The following ESM1 variants were observed in gnomAD, a reference collection of about 807,000 sequenced individuals.
The protein encoded by ESM1 is endothelial cell-specific molecule 1.
In ESM1, 7 loss-of-function variants were observed where a neutral mutation model predicts 14.9. That is an observed-to-expected ratio of 0.47 (90% CI 0.27 to 0.88). The LOEUF (loss-of-function observed/expected upper bound fraction) is 0.88. Ranked by LOEUF, ESM1 falls within the 40% of genes least tolerant of loss-of-function variation. The probability of loss-of-function intolerance (pLI) is 0.14; values close to 1 mark genes in which losing one functional copy is unlikely to be tolerated. For missense variants in ESM1, 192 were observed against 237.9 expected (o/e 0.81, Z 1.27); for synonymous variants, 89 against 89.4 (o/e 1.00, Z 0.02).
intron 2 of ESM1, 59 bp from the exon 3 acceptor site, chr5:54,979,494 T>C: frequency 1.7e-6 from 2 of 1,156,686 alleles, no homozygotes; most frequent in African/African-American, 1.5e-5. Flanking sequence ...GACAACACAG[T>C]TTTGCTTTAT....
intron 2 of ESM1, 77 bp from the exon 3 acceptor site, chr5:54,979,512 T>C: frequency 1.0e-6 from 1 of 957,812 alleles, no homozygotes; most frequent in South Asian, 1.4e-5. Flanking sequence ...TATTTTTGTT[T>C]TACATGGAAT....
intron 1 of ESM1, among the ~76,000 whole-genome samples, chr5:54,983,651 G>C (rs1234074269): frequency 1.3e-5 from 2 of 152,194 alleles, no homozygotes; most frequent in Admixed American, 6.5e-5. Flanking sequence ...CTTAAAACTA[G>C]ATTCATCAGC....
Position 54,985,216 on chromosome 5 carries a change from C to T in ESM1, c.301+1G>A. The T allele has an allele frequency of 1.9e-6, 3 of 1,607,290 alleles. No homozygotes were observed. Among genetic ancestry groups the T allele is most frequent in the Non-Finnish European group, 2.6e-6 (3 of 1,175,620 alleles). The stretch of plus-strand genomic sequence containing the variant: ...GGGAGAGGTAAGGGGTCACTCTTTA[C>T]CTTTGCAGATACCAAACTCTTCACC... On this transcript the variant is annotated splice_donor_variant, in intron 1 of 2. Coordinates refer to ENST00000381405, the MANE Select transcript of ESM1 (RefSeq NM_007036.5). LOFTEE classifies it high-confidence loss of function.
At chr5:54,979,881 T>A (rs1744017961) in intron 2 of ESM1, among the ~76,000 whole-genome samples, 1 of 152,200 alleles carries the variant, frequency 6.6e-6, no homozygotes, top group African/African-American at 2.4e-5. Context: ...AAAGACAGAT[T>A]AACTTTTGCT....
chr5:54,982,246 A>G, intron 1 of ESM1, 100 bp from the exon 2 acceptor site: 1 of 1,128,292 alleles, frequency 8.9e-7, no homozygotes, highest in Non-Finnish European at 1.3e-6. Context: ...AACCAACCTC[A>G]TGAACCTTGA....
chr5:54,980,500 G>A (rs554053890), intron 2 of ESM1, among the ~76,000 whole-genome samples: 1 of 152,148 alleles, frequency 6.6e-6, no homozygotes, highest in African/African-American at 2.4e-5. Context: ...CTCCCCAAGA[G>A]GTCCTTAGGG....
At position 54,978,086 on chromosome 5, in the gene ESM1, C is replaced by A. The variant is rs79932164; in HGVS notation, c.*1246G>T. ...AGATATTTCCTAAGAACATCTAGTA[C>A]AACAGTCCTGTTTGTGCTAAGATTC... On this transcript the variant is annotated 3_prime_UTR_variant, in exon 3 of 3. Transcript: ENST00000381405. 85 of 152,202 alleles carry A rather than the reference C, an allele frequency of 5.6e-4. No individual in the cohort carries two copies. In the East Asian group the frequency reaches 0.015, roughly 28 times the overall value. 9.4% of individuals were successfully genotyped at this position (152,202 alleles called of 1,614,324 possible). A position where few individuals can be genotyped will look rare whatever the true frequency, so the allele number is the denominator to read the frequency against.
intron 2 of ESM1, 66 bp downstream of exon 2, chr5:54,981,931 T>C (rs1744059626): frequency 2.7e-6 from 4 of 1,457,028 alleles, no homozygotes; most frequent in Admixed American, 1.7e-5. Context: ...CTCACAGATA[T>C]TTTCTAAGTT....
intron 1 of ESM1, among the ~76,000 whole-genome samples, chr5:54,984,905 T>C (rs1292099182): frequency 6.6e-6 from 1 of 152,188 alleles, no homozygotes; most frequent in Non-Finnish European, 1.5e-5. Flanking sequence ...CTTAACAGAT[T>C]ACCTGTCAAG....
rs1395208668 is a variant in ESM1, at chr5:54,982,572, G to A, written c.302-426C>T. ...ATGTGATGCTATCTTTGAATCTACT[G>A]TATTCACAGATAATTTACTATTTTA... On this transcript the variant is annotated intron_variant, in intron 1 of 2. Coordinates refer to ENST00000381405, the MANE Select transcript of ESM1 (RefSeq NM_007036.5). 2.0e-5 allele frequency among the ~76,000 whole-genome samples: 3 copies of A among 152,258 alleles called. No homozygotes were observed. The East Asian group carries it at 5.8e-4, about 29-fold the overall frequency.
At position 54,979,398 on chromosome 5, in the gene ESM1, T is replaced by G. The variant is rs550324980; in HGVS notation, c.489A>C (p.Arg163Ser). The change falls in exon 3 of 3, where the codon AGA (arginine) becomes AGC (serine). Residue 163 changes from arginine (R) to serine (S), a missense_variant. By Grantham distance (110) the Arg-to-Ser change is moderately radical. Transcript: ENST00000381405. ...CAGCATTCTCTTTCACAACTTCTTC[T>G]CTCACAATATTGCCATCTCCAGATG... ...DMASGDGNIV[R>S]EEVVKENAAG... The G allele has an allele frequency of 6.2e-7, 1 of 1,613,790 alleles. No individual in the cohort carries two copies. The highest frequency in any genetic ancestry group is 1.7e-5 in the Admixed American group (1 of 60,010).
Position 54,978,920 on chromosome 5 carries a change from A to G in ESM1, c.*412T>C, listed in dbSNP as rs1217524858. ...TATTTCCCACTCCCACCCCCTCCCC[A>G]TCTTCTCCTGCTCTTAAGTCTTCAT... On this transcript the variant is annotated 3_prime_UTR_variant, in exon 3 of 3. Transcript: ENST00000381405. 1.4e-5 allele frequency: 1 copy of G among 72,406 alleles called. No homozygotes were observed. The highest frequency in any genetic ancestry group is 4.1e-4 in the East Asian group (1 of 2,464). The allele number at this position is 72,406 out of a possible 1,614,324, so 4.5% of individuals were successfully genotyped here.
At chr5:54,979,860 T>G (rs1677766221) in intron 2 of ESM1, among the ~76,000 whole-genome samples, 1 of 152,212 alleles carries the variant, frequency 6.6e-6, no homozygotes, top group South Asian at 2.1e-4. Context: ...ATTCTTACAC[T>G]AACTGGTATG....
rs1273591259 is a variant in ESM1 at position 54,977,977 on chromosome 5, T to TG, written c.*1354dup. ...GCCTTCCCACACACATTCACAACTCTGTTGGCCAACTTCAAGAATAAAATA... is the reference window on the plus strand; with the variant it reads ...GCCTTCCCACACACATTCACAACTCTGGTTGGCCAACTTCAAGAATAAAATA... On this transcript the variant is annotated 3_prime_UTR_variant, in exon 3 of 3. Coordinates refer to ENST00000381405, the MANE Select transcript of ESM1 (RefSeq NM_007036.5). The TG allele has an allele frequency of 3.3e-5, 5 of 152,326 alleles. No homozygotes were observed. Among genetic ancestry groups the TG allele is most frequent in the African/African-American group, 1.2e-4 (5 of 41,582 alleles). 9.4% of individuals were successfully genotyped at this position (152,326 alleles called of 1,614,324 possible).
At position 54,979,500 on chromosome 5, in the gene ESM1, T is replaced by C. The variant is rs1580278712; in HGVS notation, c.452-65A>G. 6.3e-6 allele frequency: 7 copies of C among 1,104,932 alleles called. No individual in the cohort carries two copies. In the East Asian group the frequency reaches 1.7e-4, roughly 26 times the overall value. The allele number at this position is 1,104,932 out of a possible 1,614,324, so 68.4% of individuals were successfully genotyped here. ...TAGCTCAAAGACAACACAGTTTTGCTTTATTTTTGTTTTACATGGAATTTA... is the reference window on the plus strand; with the variant it reads ...TAGCTCAAAGACAACACAGTTTTGCCTTATTTTTGTTTTACATGGAATTTA... On this transcript the variant is annotated intron_variant, in intron 2 of 2. Coordinates refer to ENST00000381405, the MANE Select transcript of ESM1 (RefSeq NM_007036.5).
intron 1 of ESM1, 94 bp from the exon 2 acceptor site, chr5:54,982,240 A>G: frequency 8.7e-7 from 1 of 1,154,832 alleles, no homozygotes. Context: ...GATTTGAACC[A>G]ACCTCATGAA....
chr5:54,979,495 T>C, intron 2 of ESM1, 60 bp from the exon 3 acceptor site: 3 of 1,162,672 alleles, frequency 2.6e-6, no homozygotes, highest in Non-Finnish European at 3.8e-6. Flanking sequence ...ACAACACAGT[T>C]TTGCTTTATT....
In ESM1 at chr5:54,978,516, T is replaced by G. The variant is rs1743981221; in HGVS notation, c.*816A>C. Reference sequence around the variant, plus strand: ...GGATGATAAATATGGGTAGGGAAGATGACTTGCACTAACACATTTATTTAT... The same window carrying G: ...GGATGATAAATATGGGTAGGGAAGAGGACTTGCACTAACACATTTATTTAT... On this transcript the variant is annotated 3_prime_UTR_variant, in exon 3 of 3. Transcript: ENST00000381405. 6.6e-6 allele frequency: 1 copy of G among 152,120 alleles called. No individual in the cohort carries two copies. Among genetic ancestry groups the G allele is most frequent in the African/African-American group, 2.4e-5 (1 of 41,436 alleles). The allele number at this position is 152,120 out of a possible 1,614,324, so 9.4% of individuals were successfully genotyped here.
chr5:54,985,140 A>G, intron 1 of ESM1, 77 bp downstream of exon 1: 2 of 1,374,570 alleles, frequency 1.5e-6, no homozygotes, highest in Non-Finnish European at 2.0e-6. Context: ...TTGAGGAGCA[A>G]AGCCACCTCA....
Sources: gnomAD v4.1 joint callset for allele counts (sites outside exome capture counted in the v4.1 genomes callset) on GRCh38, gnomAD v4.1.1 for gene constraint, MANE v1.5 for transcripts, NCBI Gene and HGNC (gene_info 2026-07-23, HGNC 2026-07-21) for gene names.